Variants in ARHGAP22 observed in about 807,000 individuals in gnomAD.
ARHGAP22 encodes the protein rho GTPase-activating protein 22.
In ARHGAP22, 48 loss-of-function variants were observed where a neutral mutation model predicts 59.1. The ratio of observed to expected loss-of-function variants is 0.81; its 90% confidence interval spans 0.64 to 1.03. The LOEUF (loss-of-function observed/expected upper bound fraction) is 1.03. Ranked by LOEUF, ARHGAP22 falls within the 50% of genes least tolerant of loss-of-function variation. The pLI is 0.00. For synonymous variants in ARHGAP22, 445 were observed against 416.4 expected (o/e 1.07, Z -0.84); for missense variants, 1,015 against 958.7 (o/e 1.06, Z -0.78).
chr10:48,467,895 C>G (rs139183345), intron 4 of ARHGAP22, among the ~76,000 whole-genome samples: 2 of 152,136 alleles, frequency 1.3e-5, no homozygotes, highest in Non-Finnish European at 2.9e-5. Flanking sequence ...TCAAGCTGGA[C>G]GTGCAGAGCT....
chr10:48,439,791 C>T, the ARHGAP22 span, among the ~76,000 whole-genome samples: 1 of 152,194 alleles, frequency 6.6e-6, no homozygotes, highest in East Asian at 1.9e-4. Context: ...AATACAGGGT[C>T]CCTGCAGTAC....
At chr10:48,578,289 C>T (rs2135569151) in intron 2 of ARHGAP22, among the ~76,000 whole-genome samples, 2 of 152,222 alleles carry the variant, frequency 1.3e-5, no homozygotes, top group Middle Eastern at 3.4e-3. Flanking sequence ...TGTCTTGGAT[C>T]AGCTAAATAA....
intron 1 of ARHGAP22, among the ~76,000 whole-genome samples, chr10:48,642,837 C>A (rs1384192265): frequency 6.6e-6 from 1 of 152,028 alleles, no homozygotes; most frequent in South Asian, 2.1e-4. Context: ...ACAATCTACT[C>A]ATCTGACAAA....
chr10:48,503,861 A>C (rs1362176752), intron 3 of ARHGAP22, among the ~76,000 whole-genome samples: 1 of 152,196 alleles, frequency 6.6e-6, no homozygotes, highest in Admixed American at 6.5e-5. Context: ...TAAATGAGTA[A>C]CTCCGAGCAA....
chr10:48,632,686 C>A (rs1425613635), intron 1 of ARHGAP22, among the ~76,000 whole-genome samples: 1 of 152,196 alleles, frequency 6.6e-6, no homozygotes, highest in African/African-American at 2.4e-5. Flanking sequence ...AGAGTGCACA[C>A]AGGTCTTCAC....
chr10:48,608,209 A>G (rs2060749046), upstream of ARHGAP22, among the ~76,000 whole-genome samples: 1 of 152,192 alleles, frequency 6.6e-6, no homozygotes, highest in Admixed American at 6.5e-5. Context: ...CACATCTGCG[A>G]ATAAATCTCC....
At chr10:48,511,174 C>T (rs7910353) in intron 3 of ARHGAP22, among the ~76,000 whole-genome samples, 79,333 of 152,170 alleles carry the variant, frequency 0.52, 23,671 homozygotes, top group Middle Eastern at 0.75. Flanking sequence ...ACCTTGGTTG[C>T]CCTGGCCCTC....
intron 3 of ARHGAP22, among the ~76,000 whole-genome samples, chr10:48,482,333 T>A (rs77768230): frequency 0.016 from 2,363 of 152,348 alleles, 59 homozygotes; most frequent in African/African-American, 0.053. Context: ...CCAGCCCCAC[T>A]TGGTGAAAAG....
intron 3 of ARHGAP22, among the ~76,000 whole-genome samples, chr10:48,547,402 T>C (rs1362362765): frequency 2.0e-5 from 3 of 152,222 alleles, no homozygotes; most frequent in Admixed American, 6.5e-5. Context: ...CATCTGGTGT[T>C]TGGGGAGTTG....
In ARHGAP22 at chr10:48,450,624, G is replaced by T; in HGVS notation, c.1505C>A (p.Pro502His). 1 of 1,549,262 alleles carries T rather than the reference G, an allele frequency of 6.5e-7. No individual in the cohort carries two copies. Reference protein sequence around the residue: ...YDNVPAPGLVPGIPSVASMAW... With the variant: ...YDNVPAPGLVHGIPSVASMAW... ...CATACTGGCCACGCTGGGTATGCCGGGGACCAGGCCCGGCGCGGGCACATT... is the reference window on the plus strand; with the variant it reads ...CATACTGGCCACGCTGGGTATGCCGTGGACCAGGCCCGGCGCGGGCACATT... Residue 502 changes from proline (P) to histidine (H), a missense_variant, in exon 9 of 10, where the codon CCC becomes CAC. Physicochemically the swap from Pro to His is moderately conservative, Grantham distance 77. Coordinates refer to ENST00000249601, the MANE Select transcript of ARHGAP22 (RefSeq NM_021226.4).
intron 5 of ARHGAP22, among the ~76,000 whole-genome samples, chr10:48,458,669 C>T (rs950935347): frequency 6.6e-6 from 1 of 152,306 alleles, no homozygotes; most frequent in Admixed American, 6.5e-5. Flanking sequence ...TTATTTGAAG[C>T]AATCTGCAAC....
chr10:48,581,349 C>T (rs1350378338), intron 2 of ARHGAP22, among the ~76,000 whole-genome samples: 5 of 152,236 alleles, frequency 3.3e-5, no homozygotes, highest in Admixed American at 3.3e-4. Flanking sequence ...TGTGTCTCCC[C>T]AGTTTGCAAA....
intron 3 of ARHGAP22, among the ~76,000 whole-genome samples, chr10:48,481,193 G>A (rs949549201): frequency 3.9e-5 from 6 of 152,232 alleles, no homozygotes; most frequent in African/African-American, 7.2e-5. Context: ...GAGGCTGCTC[G>A]GTTGGCTGGT....
intron 3 of ARHGAP22, among the ~76,000 whole-genome samples, chr10:48,534,816 A>G (rs2055196453): frequency 6.6e-6 from 1 of 152,182 alleles, no homozygotes. Context: ...CTTACTTCTC[A>G]CTTTTACTAT....
chr10:48,545,049 G>C (rs1358795241), intron 3 of ARHGAP22, among the ~76,000 whole-genome samples: 1 of 152,186 alleles, frequency 6.6e-6, no homozygotes, highest in South Asian at 2.1e-4. Context: ...ATTACATATT[G>C]AAATGATAGT....
chr10:48,644,367 T>C (rs925285880), intron 1 of ARHGAP22, among the ~76,000 whole-genome samples: 2 of 152,174 alleles, frequency 1.3e-5, no homozygotes, highest in African/African-American at 4.8e-5. Context: ...CCATAATTGA[T>C]AGAACAACTA....
At chr10:48,558,450 C>T (rs1318582275) in intron 2 of ARHGAP22, among the ~76,000 whole-genome samples, 1 of 152,014 alleles carries the variant, frequency 6.6e-6, no homozygotes, top group Non-Finnish European at 1.5e-5. Flanking sequence ...GCAGCCTCTA[C>T]CTACCGGGCT....
intron 4 of ARHGAP22, among the ~76,000 whole-genome samples, chr10:48,476,434 C>G (rs2048747794): frequency 6.6e-6 from 1 of 152,182 alleles, no homozygotes; most frequent in Non-Finnish European, 1.5e-5. Context: ...CTCAGGGGCT[C>G]TGTTACAAAA....
chr10:48,549,477 G>T (rs560877366), intron 3 of ARHGAP22, among the ~76,000 whole-genome samples: 1 of 152,170 alleles, frequency 6.6e-6, no homozygotes, highest in African/African-American at 2.4e-5. Flanking sequence ...CACCTTCCTG[G>T]GGCATTGCTG....
Sources: allele counts gnomAD v4.1 joint callset (sites outside exome capture counted in the v4.1 genomes callset), GRCh38; gene constraint gnomAD v4.1.1; transcripts MANE v1.5; gene names NCBI Gene and HGNC (gene_info 2026-07-23, HGNC 2026-07-21).